The following PRKCZ variants were observed in gnomAD, a reference collection of about 807,000 sequenced individuals.
PRKCZ encodes the protein protein kinase C zeta type.
PRKCZ carries 33 observed loss-of-function variants against 79.5 expected under a neutral mutation model. The observed-to-expected ratio is 0.41, with a 90% CI of 0.31 to 0.55. The LOEUF (loss-of-function observed/expected upper bound fraction) is 0.55, where lower values mean the gene tolerates loss of function less well. Among genes scored for constraint, PRKCZ ranks in the 20% least tolerant of loss-of-function variants. PRKCZ has a pLI of 0.19. For missense variants in PRKCZ, 578 were observed against 813.5 expected, an observed-to-expected ratio of 0.71 and a Z score of 3.52; for synonymous variants, 342 against 320.9, an observed-to-expected ratio of 1.07 and a Z score of -0.70.
intron 7 of PRKCZ, 86 bp downstream of exon 7, chr1:2,146,194 C>G: frequency 7.6e-7 from 1 of 1,315,414 alleles, no homozygotes; most frequent in South Asian, 1.2e-5. Flanking sequence ...AGTCCTTTCT[C>G]AGTCCCATCT....
At chr1:2,148,674 T>A (rs1160349951) in intron 7 of PRKCZ, among the ~76,000 whole-genome samples, 198 bp from the exon 8 acceptor site, 1 of 152,244 alleles carries the variant, frequency 6.6e-6, no homozygotes, top group Non-Finnish European at 1.5e-5. Context: ...CCAGGTCCCA[T>A]GGTCAGAGTC....
chr1:2,136,493 C>T (rs1414269939), intron 5 of PRKCZ, among the ~76,000 whole-genome samples: 1 of 152,088 alleles, frequency 6.6e-6, no homozygotes, highest in African/African-American at 2.4e-5. Flanking sequence ...GAGGTCAGTG[C>T]AGAGGAGATG....
intron 5 of PRKCZ, among the ~76,000 whole-genome samples, chr1:2,136,770 G>A (rs1312743808): frequency 6.6e-6 from 1 of 152,082 alleles, no homozygotes; most frequent in Admixed American, 6.6e-5. Context: ...CACCCTGGCC[G>A]CCTTTTCTGA....
At chr1:2,071,340 C>A in intron 4 of PRKCZ, 1 of 471,040 alleles carries the variant, frequency 2.1e-6, no homozygotes, top group Non-Finnish European at 4.2e-6. Flanking sequence ...CGAGTGTGTT[C>A]CAGGCCCCGG....
chr1:2,086,033 A>G (rs1664462059), intron 4 of PRKCZ, among the ~76,000 whole-genome samples: 1 of 151,148 alleles, frequency 6.6e-6, no homozygotes, highest in Admixed American at 6.6e-5. Flanking sequence ...AGGATTTTCT[A>G]AAAACTGGGT....
intron 8 of PRKCZ, among the ~76,000 whole-genome samples, chr1:2,150,015 A>G (rs1679523931): frequency 6.6e-6 from 1 of 150,798 alleles, no homozygotes. Flanking sequence ...AAAAAAAAAA[A>G]GCTGGGCGTG....
chr1:2,132,536 G>A lies in PRKCZ; in HGVS notation c.335-2726G>A, dbSNP rs114614428. Among the ~76,000 whole-genome samples, 851 of 152,358 alleles carry A rather than the reference G, an allele frequency of 5.6e-3. 9 individuals carry two copies. Among genetic ancestry groups the A allele is most frequent in the African/African-American group, 0.019 (798 of 41,586 alleles). ...TGATTTGTGCCGACCCCGCAGTGTAGGAGACGCCTGGGCGGCCTTGCGGGT... is the reference window on the plus strand; with the variant it reads ...TGATTTGTGCCGACCCCGCAGTGTAAGAGACGCCTGGGCGGCCTTGCGGGT... On this transcript the variant is annotated intron_variant, in intron 4 of 17. Coordinates refer to ENST00000378567, the MANE Select transcript of PRKCZ (RefSeq NM_002744.6).
chr1:2,155,882 C>T, intron 9 of PRKCZ, 113 bp from the exon 10 acceptor site: 1 of 894,656 alleles, frequency 1.1e-6, no homozygotes, highest in East Asian at 2.5e-5. Flanking sequence ...TTCCTGTCTG[C>T]ATTGTCTTCC....
chr1:2,071,051 C>CACCTGGGCGTGTGACCTGGGCATGTG (rs142717180), intron 4 of PRKCZ, among the ~76,000 whole-genome samples: 1 of 151,682 alleles, frequency 6.6e-6, no homozygotes, highest in African/African-American at 2.4e-5. Flanking sequence ...GCAGCCAGTA[C>CACCTGGGCGTGTGACCTGGGCATGTG]ACCTGGGCGT....
intron 16 of PRKCZ, chr1:2,184,199 G>A: frequency 4.7e-6 from 1 of 210,850 alleles, no homozygotes; most frequent in Non-Finnish European, 9.7e-6. Context: ...AGGGTGCTGT[G>A]GCCAGGTCCT....
intron 4 of PRKCZ, chr1:2,104,952 G>A: frequency 2.0e-6 from 2 of 984,462 alleles, no homozygotes; most frequent in Non-Finnish European, 2.4e-6. Context: ...TTTTATTCAG[G>A]AGGGCGCGGC....
intron 4 of PRKCZ, among the ~76,000 whole-genome samples, chr1:2,060,014 G>A (rs1295058286): frequency 1.3e-5 from 2 of 152,216 alleles, no homozygotes; most frequent in Admixed American, 1.3e-4. Context: ...GTTGGGAGAG[G>A]AAGGAGAGTG....
At chr1:2,091,909 C>T (rs1665578247) in intron 4 of PRKCZ, among the ~76,000 whole-genome samples, 1 of 152,170 alleles carries the variant, frequency 6.6e-6, no homozygotes, top group Admixed American at 6.5e-5. Flanking sequence ...CTTTTACTTT[C>T]TTTGGTATCT....
chr1:2,084,788 T>C (rs1283999825), intron 4 of PRKCZ, among the ~76,000 whole-genome samples: 2 of 152,096 alleles, frequency 1.3e-5, no homozygotes, highest in African/African-American at 4.8e-5. Flanking sequence ...GTGGATCGCC[T>C]GAGCTCAGGA....
intron 4 of PRKCZ, among the ~76,000 whole-genome samples, chr1:2,096,932 A>G (rs1348613108): frequency 6.6e-6 from 1 of 152,206 alleles, no homozygotes; most frequent in Non-Finnish European, 1.5e-5. Flanking sequence ...GGTGGGTCCT[A>G]ACAGGGCTTG....
chr1:2,181,677 C>T (rs1353768390), intron 16 of PRKCZ: 4 of 359,050 alleles, frequency 1.1e-5, no homozygotes, highest in South Asian at 2.0e-5. Flanking sequence ...GAGCAGAGAA[C>T]GGGCTGGGCC....
At chr1:2,129,145 G>T (rs1674489729) in intron 4 of PRKCZ, among the ~76,000 whole-genome samples, 1 of 152,188 alleles carries the variant, frequency 6.6e-6, no homozygotes, top group Non-Finnish European at 1.5e-5. Context: ...TACACTGAGG[G>T]AACCTTCTAG....
At chr1:2,073,203 A>G (rs1470941012) in intron 4 of PRKCZ, among the ~76,000 whole-genome samples, 1 of 152,116 alleles carries the variant, frequency 6.6e-6, no homozygotes. Flanking sequence ...CAGCCGGGAC[A>G]GTTTTCAGCC....
intron 4 of PRKCZ, among the ~76,000 whole-genome samples, chr1:2,081,186 GTTAT>G (rs750194325): frequency 1.3e-5 from 2 of 152,248 alleles, no homozygotes; most frequent in Non-Finnish European, 2.9e-5. Flanking sequence ...TCTCCCATTG[GTTAT>G]TTAATTATTC....
Sources: gnomAD v4.1 joint callset for allele counts (sites outside exome capture counted in the v4.1 genomes callset) on GRCh38, gnomAD v4.1.1 for gene constraint, MANE v1.5 for transcripts, NCBI Gene and HGNC (gene_info 2026-07-23, HGNC 2026-07-21) for gene names.